Variants in PPP2R3A observed in about 807,000 individuals in gnomAD.
The protein encoded by PPP2R3A is serine/threonine-protein phosphatase 2A regulatory subunit B'' subunit alpha.
A neutral mutation model predicts 106.9 loss-of-function variants in PPP2R3A; 80 were observed. The ratio of observed to expected loss-of-function variants is 0.75; its 90% CI spans 0.62 to 0.90. PPP2R3A has a LOEUF of 0.90. Ranked by LOEUF, PPP2R3A falls within the 40% of genes least tolerant of loss-of-function variation. PPP2R3A has a pLI of 0.00. For missense variants in PPP2R3A, 1,386 were observed against 1,350.4 expected (o/e 1.03, Z -0.41); for synonymous variants, 483 against 468.3 (o/e 1.03, Z -0.41).
chr3:136,055,645 C>T, intron 5 of PPP2R3A: 1 of 1,288,314 alleles, frequency 7.8e-7, no homozygotes, highest in Non-Finnish European at 1.1e-6. Context: ...GGACAAAGTA[C>T]TTGATACAGA....
intron 13 of PPP2R3A, among the ~76,000 whole-genome samples, chr3:136,140,766 C>T (rs1435803279): frequency 2.0e-5 from 3 of 150,020 alleles, no homozygotes; most frequent in Non-Finnish European, 4.4e-5. Context: ...AAAAAAAAGC[C>T]GGTTGTGGTG....
At chr3:136,076,714 C>T (rs922750623) in intron 6 of PPP2R3A, among the ~76,000 whole-genome samples, 2 of 152,044 alleles carry the variant, frequency 1.3e-5, no homozygotes, top group East Asian at 1.9e-4. Flanking sequence ...TTTGGGAGGC[C>T]GAGGCGGGTG....
At chr3:136,113,024 T>C (rs532672256) in intron 13 of PPP2R3A, among the ~76,000 whole-genome samples, 6 of 152,036 alleles carry the variant, frequency 3.9e-5, no homozygotes, top group African/African-American at 1.4e-4. Context: ...TGCCAGCTAC[T>C]CGGGAGGCTG....
At chr3:135,995,812 A>G (rs544025003) in intron 1 of PPP2R3A, among the ~76,000 whole-genome samples, 5 of 152,336 alleles carry the variant, frequency 3.3e-5, no homozygotes, top group Middle Eastern at 3.4e-3. Context: ...TTGTGCATAT[A>G]TAAATAAAAT....
In PPP2R3A at chr3:136,023,067, A is replaced by G. The variant is rs760143569; in HGVS notation, c.1996-3765A>G. On this transcript the variant is annotated intron_variant, in intron 2 of 13. Transcript: ENST00000264977. ...TTGCGAAGTAAACATTTACTTTTCA[A>G]AGATGATGATCAAGGAAACATCTCT... The G allele has an allele frequency of 8.1e-6, 13 of 1,612,932 alleles. 1 individual carries two copies. Among genetic ancestry groups the G allele is most frequent in the South Asian group, 5.5e-5 (5 of 90,996 alleles).
intron 13 of PPP2R3A, among the ~76,000 whole-genome samples, chr3:136,111,302 T>C (rs1353623738): frequency 6.6e-6 from 1 of 152,170 alleles, no homozygotes; most frequent in Admixed American, 6.5e-5. Context: ...TAAAGTTGTA[T>C]TTCTCCAACA....
rs994789776 is a variant in PPP2R3A, at chr3:136,001,223, A to G, written c.-276A>G. 2.0e-5 allele frequency: 9 copies of G among 451,102 alleles called. No individual in the cohort carries two copies. The highest frequency in any genetic ancestry group is 1.2e-4 in the African/African-American group (6 of 49,588). 27.9% of individuals were successfully genotyped at this position (451,102 alleles called of 1,614,324 possible). A position where few individuals can be genotyped will look rare whatever the true frequency, so the allele number is the denominator to read the frequency against. ...ACTAAAAGAGGATATTCTTTCATCA[A>G]AATAATTCTGCAGTATCATAATATT... On this transcript the variant is annotated 5_prime_UTR_variant, in exon 2 of 14. Transcript: ENST00000264977.
intron 13 of PPP2R3A, among the ~76,000 whole-genome samples, chr3:136,126,701 A>G (rs1179298490): frequency 6.6e-6 from 1 of 152,076 alleles, no homozygotes; most frequent in Non-Finnish European, 1.5e-5. Context: ...TGAGTCCCTG[A>G]CCCCTGTGTA....
chr3:136,031,903 A>G (rs1036513818), intron 3 of PPP2R3A, among the ~76,000 whole-genome samples: 7 of 152,122 alleles, frequency 4.6e-5, no homozygotes, highest in East Asian at 1.9e-4. Context: ...TTTGGTGACT[A>G]TGGCCTTATA....
At chr3:135,974,250 G>A (rs1287181951) in intron 1 of PPP2R3A, among the ~76,000 whole-genome samples, 1 of 151,964 alleles carries the variant, frequency 6.6e-6, no homozygotes, top group African/African-American at 2.4e-5. Flanking sequence ...CTTCCTTATT[G>A]ACTCTTATTT....
At chr3:135,983,344 G>T (rs1179138811) in intron 1 of PPP2R3A, among the ~76,000 whole-genome samples, 1 of 152,164 alleles carries the variant, frequency 6.6e-6, no homozygotes, top group Non-Finnish European at 1.5e-5. Context: ...ATATGAGGAT[G>T]AGTAAATTGT....
chr3:136,116,211 C>G (rs1576322775), intron 13 of PPP2R3A, among the ~76,000 whole-genome samples: 1 of 152,140 alleles, frequency 6.6e-6, no homozygotes, highest in African/African-American at 2.4e-5. Context: ...TTGTCACCAC[C>G]AGGCCTGCCC....
At chr3:136,006,411 TTAAG>T (rs1933845760) in intron 2 of PPP2R3A, among the ~76,000 whole-genome samples, 3 of 152,220 alleles carry the variant, frequency 2.0e-5, no homozygotes, top group African/African-American at 7.2e-5. Context: ...TATGAAAAGT[TTAAG>T]TGAGGAATTG....
intron 1 of PPP2R3A, among the ~76,000 whole-genome samples, chr3:135,988,874 A>G (rs1385290082): frequency 6.6e-6 from 1 of 152,162 alleles, no homozygotes; most frequent in African/African-American, 2.4e-5. Context: ...CAATGATGCT[A>G]CAGTCTTGAC....
At chr3:136,125,831 A>T (rs1400593530) in intron 13 of PPP2R3A, among the ~76,000 whole-genome samples, 1 of 152,240 alleles carries the variant, frequency 6.6e-6, no homozygotes. Flanking sequence ...AGGTTGGCTT[A>T]TTCAAAAATC....
intron 1 of PPP2R3A, among the ~76,000 whole-genome samples, chr3:135,974,000 C>G (rs534461483): frequency 1.3e-5 from 2 of 152,338 alleles, no homozygotes; most frequent in East Asian, 3.9e-4. Flanking sequence ...AAGCTCACCA[C>G]TGACCTTCAT....
intron 2 of PPP2R3A, among the ~76,000 whole-genome samples, chr3:136,006,924 T>C (rs1327027793): frequency 2.6e-5 from 4 of 152,226 alleles, no homozygotes; most frequent in African/African-American, 9.6e-5. Context: ...CTGCTTATAT[T>C]ATTATGAATT....
Position 136,040,863 on chromosome 3 carries a change from G to A in PPP2R3A, c.2267G>A (p.Cys756Tyr). The A allele has an allele frequency of 1.9e-6, 3 of 1,612,038 alleles. No individual in the cohort carries two copies. Among genetic ancestry groups the A allele is most frequent in the Non-Finnish European group, 1.7e-6 (2 of 1,179,210 alleles). ...IYEMGKIAKVCGCPLYWKAPM... is the reference protein window; with the variant it reads ...IYEMGKIAKVYGCPLYWKAPM... ...GTATGTGTTTTCTATTTGCAGGTCT[G>A]TGGCTGTCCTCTCTATTGGAAAGCC... The change falls in exon 4 of 14, where the codon TGT (cysteine) becomes TAT (tyrosine). Residue 756 changes from cysteine to tyrosine, a missense_variant. Physicochemically the swap from Cys to Tyr is radical, Grantham distance 194. Coordinates refer to ENST00000264977, the MANE Select transcript of PPP2R3A (RefSeq NM_002718.5).
intron 5 of PPP2R3A, among the ~76,000 whole-genome samples, chr3:136,061,812 C>T (rs1037269298): frequency 1.3e-4 from 20 of 150,108 alleles, no homozygotes; most frequent in Non-Finnish European, 2.2e-4. Flanking sequence ...CCCAGCTACT[C>T]GGGAAGCTGA....
Sources: gnomAD v4.1 joint callset for allele counts (sites outside exome capture counted in the v4.1 genomes callset) on GRCh38, gnomAD v4.1.1 for gene constraint, MANE v1.5 for transcripts, NCBI Gene and HGNC (gene_info 2026-07-23, HGNC 2026-07-21) for gene names.